The following TARS1 variants were observed in gnomAD, a reference collection of about 807,000 sequenced individuals.
TARS1 encodes threonyl-tRNA synthetase 1.
In TARS1, 57 loss-of-function variants were observed where a neutral mutation model predicts 97.7. The ratio of observed to expected loss-of-function variants is 0.58; its 90% CI spans 0.47 to 0.73. The LOEUF is 0.73. TARS1 is among the 30% of genes least tolerant of loss of function. TARS1 has a pLI of 0.00. For synonymous variants in TARS1, 312 were observed against 293.7 expected (o/e 1.06, Z -0.64); for missense variants, 806 against 888.3 (o/e 0.91, Z 1.18).
intron 4 of TARS1, among the ~76,000 whole-genome samples, chr5:33,453,796 T>G (rs1680839670): frequency 1.3e-5 from 2 of 152,072 alleles, no homozygotes; most frequent in Non-Finnish European, 2.9e-5. Flanking sequence ...CTTGCCTCAG[T>G]ACAACCTCCA....
chr5:33,451,597 T>G (rs1285305475), intron 3 of TARS1, among the ~76,000 whole-genome samples: 1 of 152,112 alleles, frequency 6.6e-6, no homozygotes, highest in African/African-American at 2.4e-5. Context: ...ATGGTCTTGA[T>G]CTCCTGACCT....
At chr5:33,456,793 A>C (rs995597160) in intron 8 of TARS1, among the ~76,000 whole-genome samples, 1 of 152,102 alleles carries the variant, frequency 6.6e-6, no homozygotes, top group Non-Finnish European at 1.5e-5. Flanking sequence ...GGGGTGTAGA[A>C]TGGGTCTCAC....
In TARS1 at chr5:33,462,139, C is replaced by T. The variant is rs763619049; in HGVS notation, c.1771C>T (p.Arg591Ter). 4.3e-6 allele frequency: 7 copies of T among 1,612,920 alleles called. No individual in the cohort carries two copies. The highest frequency in any genetic ancestry group is 5.9e-6 in the Non-Finnish European group (7 of 1,179,818). The stretch of plus-strand genomic sequence containing the variant: ...TAAGAAAAGGCCAGTGATTGTTCAT[C>T]GAGCCATCTTGGGATCAGTGGAAAG... ...DDKKRPVIVHRAILGSVERMI... is the reference protein window; with the variant it reads ...DDKKRPVIVH Residue 591 changes from arginine (R) to a stop codon, truncating the protein, a stop_gained, in exon 16 of 19, where the codon CGA (arginine) becomes TGA (stop). Transcript: ENST00000265112. LOFTEE classifies it high-confidence loss of function.
At chr5:33,454,074 C>G (rs368935509) in intron 4 of TARS1, among the ~76,000 whole-genome samples, 7 of 152,184 alleles carry the variant, frequency 4.6e-5, no homozygotes, top group East Asian at 1.9e-4. Context: ...AAATTTGAAC[C>G]TTACTTCAAA....
chr5:33,459,925 C>G, intron 11 of TARS1, 64 bp downstream of exon 11: 1 of 1,540,924 alleles, frequency 6.5e-7, no homozygotes, highest in Non-Finnish European at 8.8e-7. Flanking sequence ...CTGGGTTCTT[C>G]CCTCCTTTAA....
chr5:33,446,765 G>T, intron 2 of TARS1: 2 of 1,287,466 alleles, frequency 1.6e-6, no homozygotes, highest in Non-Finnish European at 2.0e-6. Context: ...GGTGGTGCAG[G>T]TGGGTAGGAT....
chr5:33,445,327 G>T lies in TARS1; in HGVS notation c.61G>T (p.Gly21Cys). 2.5e-6 allele frequency: 4 copies of T among 1,611,158 alleles called. No individual in the cohort carries two copies. Among genetic ancestry groups the T allele is most frequent in the Non-Finnish European group, 3.4e-6 (4 of 1,178,266 alleles). Residue 21 changes from glycine (G) to cysteine (C), a missense_variant, in exon 2 of 19, where the codon GGT becomes TGT. Gly to Cys is a radical substitution (Grantham distance 159). This residue lies in a region of TARS1 where 356 missense variants were observed against 357.8 expected (regional missense o/e 0.99). Coordinates refer to ENST00000265112, the MANE Select transcript of TARS1 (RefSeq NM_152295.5). Reference protein sequence around the residue: ...GKMGGEEKPIGAGEEKQKEGG... With the variant: ...GKMGGEEKPICAGEEKQKEGG... ...AAAACGTTTTTTGCTTATTTAGATT[G>T]GTGCTGGTGAAGAGAAGCAAAAGGA...
chr5:33,460,197 C>T (rs1742226847), intron 11 of TARS1, among the ~76,000 whole-genome samples: 1 of 152,140 alleles, frequency 6.6e-6, no homozygotes, highest in Non-Finnish European at 1.5e-5. Context: ...GTCTCAAACT[C>T]CTGGCCTCAA....
At chr5:33,460,357 T>C (rs768751314) in intron 11 of TARS1, among the ~76,000 whole-genome samples, 1 of 152,178 alleles carries the variant, frequency 6.6e-6, no homozygotes, top group African/African-American at 2.4e-5. Flanking sequence ...AGATGAAATA[T>C]GGGGGTGTAA....
chr5:33,467,675 G>T lies in TARS1; in HGVS notation c.2139G>T (p.Glu713Asp). Residue 713 changes from glutamate (E) to aspartate (D), a missense_variant, in exon 19 of 19, where the codon GAG becomes GAT. Transcript: ENST00000265112. ...ETIERLQQLK[E>D]FRSKQAEEEF is the part of the protein sequence containing the mutation. ...TCGAGCGGCTACAGCAGCTCAAAGA[G>T]TTCCGCAGCAAACAGGCAGAAGAAG... The T allele has an allele frequency of 6.2e-7, 1 of 1,613,156 alleles. No homozygotes were observed. Among genetic ancestry groups the T allele is most frequent in the Non-Finnish European group, 8.5e-7 (1 of 1,179,692 alleles).
chr5:33,457,272 T>G lies in TARS1; in HGVS notation c.853T>G (p.Trp285Gly). 1 of 1,613,592 alleles carries G rather than the reference T, an allele frequency of 6.2e-7. No individual in the cohort carries two copies. Among genetic ancestry groups the G allele is most frequent in the Non-Finnish European group, 8.5e-7 (1 of 1,179,826 alleles). Residue 285 changes from tryptophan to glycine, a missense_variant, in exon 9 of 19, where the codon TGG becomes GGG. Coordinates refer to ENST00000265112, the MANE Select transcript of TARS1 (RefSeq NM_152295.5). ...TTGTTTTCAGAATTCCTCCACGTAC[T>G]GGGAAGGCAAAGCAGATATGGAGAC... is the stretch of plus-strand genomic sequence containing the variant. ...LKIHKNSSTY[W>G]EGKADMETLQ...
At chr5:33,453,637 T>C (rs1579583002) in intron 4 of TARS1, among the ~76,000 whole-genome samples, 1 of 152,072 alleles carries the variant, frequency 6.6e-6, no homozygotes, top group South Asian at 2.1e-4. Flanking sequence ...GACACTTCAA[T>C]AGGGAAAATG....
intron 8 of TARS1, 127 bp downstream of exon 8, chr5:33,456,354 A>G (rs1026396062): frequency 4.4e-5 from 33 of 747,312 alleles, no homozygotes; most frequent in Non-Finnish European, 7.1e-5. Flanking sequence ...CATGCTCTCT[A>G]TTAACTGGGA....
At chr5:33,465,023 G>A (rs1293349515) in intron 17 of TARS1, among the ~76,000 whole-genome samples, 1 of 152,090 alleles carries the variant, frequency 6.6e-6, no homozygotes, top group Non-Finnish European at 1.5e-5. Flanking sequence ...CCAAGATCAT[G>A]CCACTGCACT....
At chr5:33,455,776 G>A in intron 6 of TARS1, 72 bp downstream of exon 6, 1 of 1,127,060 alleles carries the variant, frequency 8.9e-7, no homozygotes, top group Non-Finnish European at 1.3e-6. Context: ...TGACACCACT[G>A]GCGTTCCGTG....
intron 13 of TARS1, 56 bp from the exon 14 acceptor site, chr5:33,461,610 GC>G: frequency 6.7e-7 from 1 of 1,501,052 alleles, no homozygotes; most frequent in South Asian, 1.2e-5. Flanking sequence ...CTCAAATTAG[GC>G]TAAAAGAAGG....
rs760969839 is a variant in TARS1, at chr5:33,454,953, G to A, written c.462G>A (p.Trp154Ter). 2 of 1,613,048 alleles carry A rather than the reference G, an allele frequency of 1.2e-6. No individual in the cohort carries two copies. The highest frequency in any genetic ancestry group is 1.7e-6 in the Non-Finnish European group (2 of 1,179,466). ...TTTCTTTAAATTTTCAGGTGTATTGGCACTCTAGTGCTCACATAATGGGTG... is the reference window on the plus strand; with the variant it reads ...TTTCTTTAAATTTTCAGGTGTATTGACACTCTAGTGCTCACATAATGGGTG... The part of the protein sequence containing the change: ...FEDEEAQAVY[W>*]HSSAHIMGEA... The change falls in exon 5 of 19, where the codon TGG becomes TGA. Residue 154 changes from tryptophan to a stop codon, truncating the protein, a stop_gained. Transcript: ENST00000265112. LOFTEE classifies it high-confidence loss of function.
At chr5:33,458,064 G>A (rs543824983) in intron 9 of TARS1, among the ~76,000 whole-genome samples, 1 of 152,286 alleles carries the variant, frequency 6.6e-6, no homozygotes, top group Non-Finnish European at 1.5e-5. Context: ...TGGGGAGGCG[G>A]ATGTTGGCAA....
Position 33,453,329 on chromosome 5 carries a change from AATGTT to A in TARS1, c.371_375del (p.Asn124SerfsTer20). On this transcript the variant is annotated frameshift_variant, in exon 4 of 19. Coordinates refer to ENST00000265112, the MANE Select transcript of TARS1 (RefSeq NM_152295.5). LOFTEE classifies it high-confidence loss of function. ...CAACACCGTTATTGCTAAAGTAAAT[AATGTT>A]GTGTGGGACCTGGACCGCCCTCTGG... 1 of 1,609,448 alleles carries A rather than the reference AATGTT, an allele frequency of 6.2e-7. No homozygotes were observed. The highest frequency in any genetic ancestry group is 8.5e-7 in the Non-Finnish European group (1 of 1,178,938).
Sources: allele counts gnomAD v4.1 joint callset (sites outside exome capture counted in the v4.1 genomes callset), GRCh38; gene constraint gnomAD v4.1.1; regional missense constraint gnomAD v4.1.1; transcripts MANE v1.5; gene names NCBI Gene and HGNC (gene_info 2026-07-23, HGNC 2026-07-21).